The following RABGAP1L variants were observed in gnomAD, a reference collection of about 807,000 sequenced individuals.
The protein encoded by RABGAP1L is RAB GTPase activating protein 1 like.
A neutral mutation model predicts 137.7 loss-of-function variants in RABGAP1L; 63 were observed. The observed-to-expected ratio is 0.46, with a 90% CI of 0.37 to 0.56. The LOEUF (loss-of-function observed/expected upper bound fraction) is 0.56, where lower values mean the gene tolerates loss of function less well. RABGAP1L is among the 20% of genes least tolerant of loss of function. RABGAP1L has a pLI of 0.00. For synonymous variants in RABGAP1L, 431 were observed against 433.7 expected, an observed-to-expected ratio of 0.99 and a Z score of 0.08; for missense variants, 1,095 against 1,244.0, an observed-to-expected ratio of 0.88 and a Z score of 1.80.
At chr1:174,366,898 TGTGAA>T (rs993060864) in intron 11 of RABGAP1L, among the ~76,000 whole-genome samples, 2 of 152,098 alleles carry the variant, frequency 1.3e-5, no homozygotes, top group African/African-American at 4.8e-5. Flanking sequence ...CTGAGCCATT[TGTGAA>T]GTCTAAGAAC....
At chr1:174,661,588 A>G (rs1406448791) in intron 14 of RABGAP1L, among the ~76,000 whole-genome samples, 1 of 152,180 alleles carries the variant, frequency 6.6e-6, no homozygotes. Flanking sequence ...ATTATAATCA[A>G]TAGCAATTTC....
intron 19 of RABGAP1L, among the ~76,000 whole-genome samples, chr1:174,851,668 A>G (rs1442260357): frequency 6.7e-6 from 1 of 148,728 alleles, no homozygotes; most frequent in East Asian, 2.0e-4. Context: ...ACGCACCACC[A>G]TGCACAGCTT....
At chr1:174,865,509 CTTT>C (rs1471168065) in intron 19 of RABGAP1L, among the ~76,000 whole-genome samples, 2 of 152,182 alleles carry the variant, frequency 1.3e-5, no homozygotes, top group Non-Finnish European at 2.9e-5. Flanking sequence ...AGCATATTTT[CTTT>C]CACAGGCAAG....
chr1:174,621,100 A>G (rs929875134), intron 13 of RABGAP1L, among the ~76,000 whole-genome samples: 3 of 152,122 alleles, frequency 2.0e-5, no homozygotes, highest in African/African-American at 4.8e-5. Context: ...ACTCCCATTC[A>G]TAATTGCTTC....
At chr1:174,398,856 T>C (rs1306204195) in intron 13 of RABGAP1L, among the ~76,000 whole-genome samples, 1 of 152,228 alleles carries the variant, frequency 6.6e-6, no homozygotes, top group African/African-American at 2.4e-5. Flanking sequence ...AGATCTATTA[T>C]GGAATGAATT....
chr1:174,394,099 A>G lies in RABGAP1L; in HGVS notation c.1664A>G (p.His555Arg), dbSNP rs770304146. 3.1e-6 allele frequency: 5 copies of G among 1,613,892 alleles called. No homozygotes were observed. Among genetic ancestry groups the G allele is most frequent in the East Asian group, 2.2e-5 (1 of 44,878 alleles). ...GTATGGCAGTTATTGGCAGGCTGCCATGACAACCAGGCAATGCTGGATAGA... is the reference window on the plus strand; with the variant it reads ...GTATGGCAGTTATTGGCAGGCTGCCGTGACAACCAGGCAATGCTGGATAGA... ...AEVWQLLAGC[H>R]DNQAMLDRYR... is the part of the protein sequence containing the mutation. The change falls in exon 13 of 26, where the codon CAT becomes CGT. Residue 555 changes from histidine to arginine, a missense_variant. His to Arg is a conservative substitution (Grantham distance 29). Transcript: ENST00000681986.
intron 20 of RABGAP1L, among the ~76,000 whole-genome samples, chr1:174,960,786 C>T (rs1395952893): frequency 1.3e-5 from 2 of 152,092 alleles, no homozygotes; most frequent in East Asian, 3.9e-4. Flanking sequence ...GACTATTGAT[C>T]TTATATGTGT....
In RABGAP1L at chr1:174,252,522, G is replaced by A. The variant is rs796843676; in HGVS notation, c.918G>A (p.Lys306=). The A allele has an allele frequency of 1.2e-6, 2 of 1,613,012 alleles. No individual in the cohort carries two copies. Among genetic ancestry groups the A allele is most frequent in the African/African-American group, 1.3e-5 (1 of 74,944 alleles). ...GAGATAAATTTTATTTCAAATTAAA[G>A]CAAGGAATAGAGAAGAAGGTTGTGA... ...KDRDKFYFKL[K]QGIEKKVVIT... is the part of the protein sequence containing the mutation. Residue 306 remains lysine (K), a synonymous_variant, in exon 7 of 26, where the codon AAG becomes AAA. Coordinates refer to ENST00000681986, the MANE Select transcript of RABGAP1L (RefSeq NM_001366446.1).
rs561413366 is a variant in RABGAP1L, at chr1:174,221,994, ATTTTTT to A, written c.331+841_331+846del. On this transcript the variant is annotated intron_variant, in intron 3 of 25. Transcript: ENST00000681986. ...GGGTGTGTACCACCATGCCTAGCTA[ATTTTTT>A]TTTTTTTTTTGTAGTGATGGGGTTT... Among the ~76,000 whole-genome samples the A allele has an allele frequency of 1.0e-2, 1,441 of 144,306 alleles. 25 individuals are homozygous for A. The highest frequency in any genetic ancestry group is 0.035 in the African/African-American group (1,385 of 39,336). 94.7% of individuals were successfully genotyped at this position (144,306 alleles called of 152,430 possible). A position where few individuals can be genotyped will look rare whatever the true frequency, so the allele number is the denominator to read the frequency against.
At chr1:174,771,934 C>T (rs1686140243) in intron 18 of RABGAP1L, among the ~76,000 whole-genome samples, 2 of 152,220 alleles carry the variant, frequency 1.3e-5, no homozygotes, top group South Asian at 2.1e-4. Context: ...GCACATTGGC[C>T]CACGCCTATA....
At chr1:174,292,548 A>G (rs146401028) in intron 10 of RABGAP1L, among the ~76,000 whole-genome samples, 87 of 151,386 alleles carry the variant, frequency 5.7e-4, no homozygotes, top group African/African-American at 1.4e-3. Context: ...TGATTTTCCA[A>G]TATTTTTAGA....
At chr1:174,756,905 T>A (rs977712369) in intron 18 of RABGAP1L, 6 of 698,902 alleles carry the variant, frequency 8.6e-6, no homozygotes, top group Non-Finnish European at 1.5e-5. Flanking sequence ...CTGGGACTGC[T>A]TGGCATTGGC....
At chr1:174,188,441 T>C (rs944863751) in intron 1 of RABGAP1L, among the ~76,000 whole-genome samples, 1 of 152,176 alleles carries the variant, frequency 6.6e-6, no homozygotes, top group Admixed American at 6.5e-5. Context: ...GAGGAAATAA[T>C]TGTAATTGAT....
rs927472651 is a variant in RABGAP1L, at chr1:174,329,727, A to C, written c.1465+24600A>C. Among the ~76,000 whole-genome samples, 2 of 151,934 alleles carry C rather than the reference A, an allele frequency of 1.3e-5. 1 individual carries two copies. The highest frequency in any genetic ancestry group is 4.2e-4 in the South Asian group (2 of 4,722). ...CATTAACAGATTGAAGGATAAAACT[A>C]TGTGGTCATTTCAATTGATACAGAG... is the stretch of plus-strand genomic sequence containing the variant. On this transcript the variant is annotated intron_variant, in intron 11 of 25. Transcript: ENST00000681986.
At chr1:174,280,915 G>A (rs1339949997) in intron 10 of RABGAP1L, among the ~76,000 whole-genome samples, 2 of 152,114 alleles carry the variant, frequency 1.3e-5, no homozygotes, top group African/African-American at 2.4e-5. Context: ...AGATGTGTCT[G>A]GAGTTTCTTC....
intron 17 of RABGAP1L, among the ~76,000 whole-genome samples, chr1:174,751,960 G>A (rs1265912270): frequency 6.6e-6 from 1 of 151,824 alleles, no homozygotes; most frequent in East Asian, 1.9e-4. Context: ...GTCCAGATTA[G>A]GGTTAGGAAT....
intron 13 of RABGAP1L, among the ~76,000 whole-genome samples, chr1:174,474,683 A>G (rs1265144122): frequency 1.3e-5 from 2 of 151,876 alleles, no homozygotes; most frequent in African/African-American, 4.8e-5. Context: ...GCTCACTGCA[A>G]CCTCCTCCTC....
chr1:174,627,183 A>G (rs1014711286), intron 13 of RABGAP1L, among the ~76,000 whole-genome samples: 3 of 152,234 alleles, frequency 2.0e-5, no homozygotes, highest in African/African-American at 7.2e-5. Flanking sequence ...TGGCAAATCA[A>G]GGTACACAGT....
intron 13 of RABGAP1L, among the ~76,000 whole-genome samples, chr1:174,487,087 G>A (rs1402524022): frequency 6.6e-6 from 1 of 152,034 alleles, no homozygotes; most frequent in African/African-American, 2.4e-5. Context: ...GGAAAAGAAG[G>A]TGTATTCTTC....
Sources: gnomAD v4.1 joint callset for allele counts (sites outside exome capture counted in the v4.1 genomes callset) on GRCh38, gnomAD v4.1.1 for gene constraint, MANE v1.5 for transcripts, NCBI Gene and HGNC (gene_info 2026-07-23, HGNC 2026-07-21) for gene names.